The following PACSIN2 variants were observed in gnomAD, a reference collection of about 807,000 sequenced individuals.
The protein encoded by PACSIN2 is protein kinase C and casein kinase substrate in neurons protein 2.
PACSIN2 carries 25 observed loss-of-function variants against 63.8 expected under a neutral mutation model. That is an observed-to-expected ratio of 0.39 (90% CI 0.29 to 0.55). The LOEUF (loss-of-function observed/expected upper bound fraction) is 0.55. PACSIN2 is among the 20% of genes least tolerant of loss of function. The pLI is 0.62. For synonymous variants in PACSIN2, 255 were observed against 256.2 expected, an observed-to-expected ratio of 1.00 and a Z score of 0.05; for missense variants, 518 against 646.9, an observed-to-expected ratio of 0.80 and a Z score of 2.16.
intron 4 of PACSIN2, among the ~76,000 whole-genome samples, chr22:42,889,303 C>T (rs5751399): frequency 0.46 from 68,703 of 150,994 alleles, 16,143 homozygotes; most frequent in African/African-American, 0.49. Flanking sequence ...AGGAGGAACC[C>T]AGCATGAGAG....
At chr22:42,905,947 C>T (rs1931044568) in intron 2 of PACSIN2, among the ~76,000 whole-genome samples, 1 of 152,344 alleles carries the variant, frequency 6.6e-6, no homozygotes, top group African/African-American at 2.4e-5. Context: ...GACCACCCAC[C>T]GCCACCCACT....
At chr22:42,957,263 T>C (rs1216982656) in intron 1 of PACSIN2, among the ~76,000 whole-genome samples, 3 of 152,252 alleles carry the variant, frequency 2.0e-5, no homozygotes, top group South Asian at 2.1e-4. Flanking sequence ...TAAATTAAAA[T>C]AGTTGTAAAG....
At chr22:43,014,679 G>C (rs1413362179) in intron 1 of PACSIN2, among the ~76,000 whole-genome samples, 7 of 145,278 alleles carry the variant, frequency 4.8e-5, no homozygotes, top group Non-Finnish European at 1.1e-4. Context: ...AACCCCCGAC[G>C]GCCCTGCTCC....
At chr22:42,879,277 G>C in intron 7 of PACSIN2, 108 bp from the exon 8 acceptor site, 1 of 1,228,358 alleles carries the variant, frequency 8.1e-7, no homozygotes, top group Non-Finnish European at 1.1e-6. Context: ...CTGTGCATCT[G>C]ATGTGTAGAC....
At chr22:42,997,658 A>C (rs1177944566) in intron 1 of PACSIN2, among the ~76,000 whole-genome samples, 2 of 152,144 alleles carry the variant, frequency 1.3e-5, no homozygotes, top group Admixed American at 1.3e-4. Flanking sequence ...TTCTAGGGGG[A>C]AAGAATCTAT....
Position 42,871,541 on chromosome 22 carries a change from G to A in PACSIN2, c.1349-72C>T, listed in dbSNP as rs969394925. The A allele has an allele frequency of 1.0e-5, 12 of 1,198,094 alleles. No homozygotes were observed. In the African/African-American group the frequency reaches 1.2e-4, roughly 12 times the overall value. 74.2% of individuals were successfully genotyped at this position (1,198,094 alleles called of 1,614,324 possible). A position where few individuals can be genotyped will look rare whatever the true frequency, so the allele number is the denominator to read the frequency against. On this transcript the variant is annotated intron_variant, in intron 10 of 10. Coordinates refer to ENST00000263246, the MANE Select transcript of PACSIN2 (RefSeq NM_001184970.3). The surrounding 1 kb of genome is among the most constrained non-coding windows in gnomAD (Gnocchi z 5.4). Reference sequence around the variant, plus strand: ...CGGTGGGCTACAGAGCCGCATTCACGAGCTTTGAGCCCACAGAGGGTGGAG... The same window carrying A: ...CGGTGGGCTACAGAGCCGCATTCACAAGCTTTGAGCCCACAGAGGGTGGAG...
chr22:42,932,626 C>T (rs1932804624), intron 1 of PACSIN2, among the ~76,000 whole-genome samples: 1 of 151,888 alleles, frequency 6.6e-6, no homozygotes. Context: ...CTCACGAAGA[C>T]CATATACTGA....
chr22:42,916,559 G>A (rs938443602), intron 1 of PACSIN2, among the ~76,000 whole-genome samples: 3 of 152,110 alleles, frequency 2.0e-5, no homozygotes, highest in South Asian at 2.1e-4. Flanking sequence ...ACGGCACGCC[G>A]CACCAGCCTC....
At position 42,970,060 on chromosome 22, in the gene PACSIN2, T is replaced by C. The variant is rs902409403; in HGVS notation, c.-78+44961A>G. ...AACCCAAATGCATCTCCACCTGACC[T>C]GGCATGCCCCCTTCGACACTGGCAC... On this transcript the variant is annotated intron_variant, in intron 1 of 10. Transcript: ENST00000263246. Among the ~76,000 whole-genome samples the C allele has an allele frequency of 5.9e-5, 9 of 152,284 alleles. No individual in the cohort carries two copies. In the East Asian group the frequency reaches 1.5e-3, roughly 26 times the overall value.
chr22:43,005,768 C>G (rs1370915378), intron 1 of PACSIN2, among the ~76,000 whole-genome samples: 2 of 152,122 alleles, frequency 1.3e-5, no homozygotes, highest in African/African-American at 4.8e-5. Flanking sequence ...GGTCCATCAC[C>G]TCATGCTGCC....
intron 1 of PACSIN2, among the ~76,000 whole-genome samples, chr22:42,929,856 GCCACCTCTTTCATAAAGACTTCCTTTATT>G (rs1569286871): frequency 1.3e-5 from 2 of 152,300 alleles, no homozygotes. Flanking sequence ...AAGATCAGAT[GCCACCTCTTTCATAAAGACTTCCTTTATT>G]CCCAAATGTC....
At chr22:42,910,622 T>C (rs5759026) in intron 2 of PACSIN2, among the ~76,000 whole-genome samples, 35,271 of 152,102 alleles carry the variant, frequency 0.23, 7,111 homozygotes, top group East Asian at 0.73. Context: ...TGCTGTGAGA[T>C]GTGGCTGGCG....
At chr22:42,956,693 T>C (rs1261381119) in intron 1 of PACSIN2, among the ~76,000 whole-genome samples, 1 of 152,058 alleles carries the variant, frequency 6.6e-6, no homozygotes, top group Non-Finnish European at 1.5e-5. Context: ...GAGGTGGACA[T>C]GAAAAAGGCC....
chr22:42,889,337 G>A (rs140249214), intron 4 of PACSIN2, among the ~76,000 whole-genome samples: 3 of 141,658 alleles, frequency 2.1e-5, no homozygotes, highest in Non-Finnish European at 4.6e-5. Context: ...AGGGGGCAGG[G>A]CCATCAGCCA....
chr22:42,941,274 A>G (rs1933147270), intron 1 of PACSIN2, among the ~76,000 whole-genome samples: 1 of 152,158 alleles, frequency 6.6e-6, no homozygotes, highest in Non-Finnish European at 1.5e-5. Context: ...ATATACCACA[A>G]TTTGTTTGCC....
At chr22:42,942,208 G>A (rs1229026744) in intron 1 of PACSIN2, among the ~76,000 whole-genome samples, 1 of 151,184 alleles carries the variant, frequency 6.6e-6, no homozygotes. Context: ...CCAAAGTAAT[G>A]GGATTACAGA....
intron 1 of PACSIN2, among the ~76,000 whole-genome samples, chr22:42,987,758 T>C (rs112677028): frequency 0.029 from 4,466 of 151,838 alleles, 97 homozygotes; most frequent in African/African-American, 0.038. Context: ...ATGGTCTCAA[T>C]CTCCTGACCT....
intron 1 of PACSIN2, among the ~76,000 whole-genome samples, chr22:42,954,749 C>A (rs573634488): frequency 4.7e-4 from 72 of 151,956 alleles, no homozygotes; most frequent in Non-Finnish European, 9.4e-4. Flanking sequence ...AGGAATATAT[C>A]CAAGAGGAAA....
intron 6 of PACSIN2, among the ~76,000 whole-genome samples, chr22:42,884,101 T>C (rs575474606): frequency 1.3e-5 from 2 of 151,960 alleles, no homozygotes; most frequent in African/African-American, 4.8e-5. Flanking sequence ...GACCTGTACA[T>C]GGAGTTGGCA....
Sources: allele counts gnomAD v4.1 joint callset (sites outside exome capture counted in the v4.1 genomes callset), GRCh38; gene constraint gnomAD v4.1.1; non-coding constraint Gnocchi (gnomAD v3.1); transcripts MANE v1.5; gene names NCBI Gene and HGNC (gene_info 2026-07-23, HGNC 2026-07-21).